COL5A2: variants seen among roughly 807,000 people sequenced by gnomAD.
The protein encoded by COL5A2 is collagen type V alpha 2 chain.
Under a neutral mutation model 208.2 loss-of-function variants are expected in COL5A2, and 23 were observed. That is an observed-to-expected ratio of 0.11 (90% CI 0.08 to 0.16). The LOEUF (loss-of-function observed/expected upper bound fraction) is 0.16. COL5A2 is among the 10% of genes least tolerant of loss of function. The probability of loss-of-function intolerance (pLI) is 1.00; values close to 1 mark genes in which losing one functional copy is unlikely to be tolerated. For missense variants in COL5A2, 1,590 were observed against 1,956.4 expected (o/e 0.81, Z 3.53); for synonymous variants, 625 against 628.5 (o/e 0.99, Z 0.08).
intron 1 of COL5A2, among the ~76,000 whole-genome samples, chr2:189,164,868 C>T (rs1576567782): frequency 6.6e-6 from 1 of 152,198 alleles, no homozygotes; most frequent in Non-Finnish European, 1.5e-5. Flanking sequence ...TCATCTGACA[C>T]AGGGCCAGTT....
chr2:189,158,029 C>T (rs375640407), intron 1 of COL5A2, among the ~76,000 whole-genome samples: 2 of 151,898 alleles, frequency 1.3e-5, no homozygotes, highest in African/African-American at 4.8e-5. Context: ...TAGCACAATA[C>T]CTGAAACATA....
chr2:189,327,277 C>T, the COL5A2 span, among the ~76,000 whole-genome samples: 1 of 152,016 alleles, frequency 6.6e-6, no homozygotes, highest in South Asian at 2.1e-4. Flanking sequence ...TTAGGAATCA[C>T]TAACATTACT....
the COL5A2 span, among the ~76,000 whole-genome samples, chr2:189,345,505 TATTTAAG>T: frequency 6.6e-6 from 1 of 152,090 alleles, no homozygotes; most frequent in South Asian, 2.1e-4. Flanking sequence ...AGACCACTGA[TATTTAAG>T]ATTCTACCTA....
At chr2:189,034,309 G>A in intron 53 of COL5A2, 93 bp from the exon 54 acceptor site, 1 of 1,371,740 alleles carries the variant, frequency 7.3e-7, no homozygotes, top group Non-Finnish European at 1.0e-6. Flanking sequence ...ATAATGTAAA[G>A]GCAATGATTT....
the COL5A2 span, among the ~76,000 whole-genome samples, chr2:189,410,074 T>A: frequency 6.6e-6 from 1 of 152,024 alleles, no homozygotes; most frequent in Non-Finnish European, 1.5e-5. Flanking sequence ...CTTATTTTTA[T>A]AAGATAAGTT....
chr2:189,158,684 A>G (rs989243853), intron 1 of COL5A2, among the ~76,000 whole-genome samples: 2 of 152,010 alleles, frequency 1.3e-5, no homozygotes, highest in Admixed American at 6.6e-5. Context: ...AGGAACTGTC[A>G]ATCTCTTCTA....
intron 1 of COL5A2, among the ~76,000 whole-genome samples, chr2:189,131,638 C>G (rs1432588163): frequency 1.3e-5 from 2 of 152,006 alleles, no homozygotes; most frequent in Admixed American, 1.3e-4. Flanking sequence ...CTGTCTGGAC[C>G]CGAAGGAGGG....
the COL5A2 span, among the ~76,000 whole-genome samples, chr2:189,277,359 A>T: frequency 1.3e-5 from 2 of 152,148 alleles, no homozygotes; most frequent in Non-Finnish European, 2.9e-5. Context: ...ATTAAGGTAA[A>T]TCAAGTAAGC....
At chr2:189,128,524 T>C (rs1453776218) in intron 1 of COL5A2, among the ~76,000 whole-genome samples, 1 of 152,026 alleles carries the variant, frequency 6.6e-6, no homozygotes, top group Non-Finnish European at 1.5e-5. Context: ...CTTGATTTTC[T>C]TTTAAGTTGG....
chr2:189,067,502 T>C (rs1170654244), intron 21 of COL5A2, among the ~76,000 whole-genome samples: 2 of 152,194 alleles, frequency 1.3e-5, no homozygotes, highest in East Asian at 3.8e-4. Flanking sequence ...AACTTCTCAA[T>C]GTGTTTATTT....
At chr2:189,049,622 C>T (rs1685742022) in intron 43 of COL5A2, among the ~76,000 whole-genome samples, 168 bp from the exon 44 acceptor site, 1 of 152,214 alleles carries the variant, frequency 6.6e-6, no homozygotes, top group Non-Finnish European at 1.5e-5. Context: ...GGCCTGCCCA[C>T]CTCCTATCAG....
At chr2:189,119,350 C>T (rs1687456451) in intron 1 of COL5A2, among the ~76,000 whole-genome samples, 1 of 152,004 alleles carries the variant, frequency 6.6e-6, no homozygotes, top group African/African-American at 2.4e-5. Flanking sequence ...GGAGGTTTTA[C>T]AAGTTTCTTT....
chr2:189,391,090 T>G, the COL5A2 span, among the ~76,000 whole-genome samples: 1 of 152,194 alleles, frequency 6.6e-6, no homozygotes, highest in East Asian at 1.9e-4. Flanking sequence ...GATTTTTAAT[T>G]TTGAAAGATT....
chr2:189,039,363 C>G lies in COL5A2; in HGVS notation c.3834G>C (p.Gln1278His). Residue 1278 changes from glutamine (Q) to histidine (H), a missense_variant, in exon 51 of 54, where the codon CAG becomes CAC. By Grantham distance (24) the Gln-to-His change is conservative (BLOSUM62 0). Transcript: ENST00000374866. ...CATCGGGGCTGCGCATGGTTTCAAT[C>G]TGACTACTGAGTGACTTCAGGGTAG... is the stretch of plus-strand genomic sequence containing the variant. ...VHATLKSLSS[Q>H]IETMRSPDGS... The G allele has an allele frequency of 6.2e-7, 1 of 1,614,078 alleles. No individual in the cohort carries two copies.
intron 1 of COL5A2, among the ~76,000 whole-genome samples, chr2:189,132,237 C>A (rs969931659): frequency 6.6e-6 from 1 of 152,126 alleles, no homozygotes; most frequent in Admixed American, 6.5e-5. Flanking sequence ...AGTTTCCTAC[C>A]ACATCAACAT....
chr2:189,139,305 G>GT (rs34905805), intron 1 of COL5A2, among the ~76,000 whole-genome samples: 1 of 152,028 alleles, frequency 6.6e-6, no homozygotes, highest in Admixed American at 6.6e-5. Flanking sequence ...AATTATTAAA[G>GT]TTTAATATCA....
chr2:189,339,333 AG>A, the COL5A2 span, among the ~76,000 whole-genome samples: 1 of 150,450 alleles, frequency 6.6e-6, no homozygotes, highest in Non-Finnish European at 1.5e-5. Context: ...CCTATACAAC[AG>A]AGTAAGACTC....
Position 189,032,954 on chromosome 2 carries a change from C to T in COL5A2, c.*1116G>A, listed in dbSNP as rs1175955812. 1.3e-5 allele frequency: 2 copies of T among 152,584 alleles called. No homozygotes were observed. Among genetic ancestry groups the T allele is most frequent in the Non-Finnish European group, 2.9e-5 (2 of 68,000 alleles). 9.5% of individuals were successfully genotyped at this position (152,584 alleles called of 1,614,324 possible). ...TCTTGGAATAATAACAGAAGCATAG[C>T]ACCTTTCAGTATCTAAAATATAAAC... On this transcript the variant is annotated 3_prime_UTR_variant, in exon 54 of 54. Coordinates refer to ENST00000374866, the MANE Select transcript of COL5A2 (RefSeq NM_000393.5).
the COL5A2 span, among the ~76,000 whole-genome samples, chr2:189,285,926 T>C: frequency 6.6e-6 from 1 of 152,094 alleles, no homozygotes; most frequent in Non-Finnish European, 1.5e-5. Flanking sequence ...TCTCCTCAAG[T>C]TTTCCCAATA....
Sources: gnomAD v4.1 joint callset for allele counts (sites outside exome capture counted in the v4.1 genomes callset) on GRCh38, gnomAD v4.1.1 for gene constraint, MANE v1.5 for transcripts, NCBI Gene and HGNC (gene_info 2026-07-23, HGNC 2026-07-21) for gene names.